The following CYRIB variants were observed in gnomAD, a reference collection of about 807,000 sequenced individuals.
The protein encoded by CYRIB is CYFIP-related Rac1 interactor B.
Under a neutral mutation model 44.2 loss-of-function variants are expected in CYRIB, and 8 were observed. The observed-to-expected ratio is 0.18, with a 90% confidence interval of 0.11 to 0.33. The LOEUF (loss-of-function observed/expected upper bound fraction) is 0.33. Among genes scored for constraint, CYRIB ranks in the 10% least tolerant of loss-of-function variants. The pLI is 1.00. For missense variants in CYRIB, 185 were observed against 382.8 expected, an observed-to-expected ratio of 0.48 and a Z score of 4.31; for synonymous variants, 131 against 127.2, an observed-to-expected ratio of 1.03 and a Z score of -0.20.
At chr8:129,879,703 T>C in intron 2 of CYRIB, 1 of 420,308 alleles carries the variant, frequency 2.4e-6, no homozygotes. Context: ...ACTGTTGCTC[T>C]AATTCTTCTC....
At chr8:130,008,864 G>A (rs918316181) in intron 1 of CYRIB, among the ~76,000 whole-genome samples, 21 of 152,266 alleles carry the variant, frequency 1.4e-4, no homozygotes, top group Admixed American at 6.5e-4. Flanking sequence ...CTTCCACGTC[G>A]TCTTCTGCAT....
chr8:129,847,744 T>C (rs1337583377), intron 10 of CYRIB, among the ~76,000 whole-genome samples: 2 of 152,148 alleles, frequency 1.3e-5, no homozygotes, highest in African/African-American at 2.4e-5. Flanking sequence ...AAAAGCATAA[T>C]ACAGCAGAAA....
At chr8:129,871,316 T>G in intron 4 of CYRIB, 59 bp downstream of exon 6, 1 of 1,544,942 alleles carries the variant, frequency 6.5e-7, no homozygotes, top group Admixed American at 2.2e-5. Flanking sequence ...AAACAAGAGA[T>G]TACAAAGAGG....
intron 3 of CYRIB, among the ~76,000 whole-genome samples, chr8:129,873,154 A>T (rs527315122): frequency 6.6e-6 from 1 of 152,140 alleles, no homozygotes; most frequent in African/African-American, 2.4e-5. Flanking sequence ...ATGTGTTTAC[A>T]TATCTGTTCC....
intron 2 of CYRIB, among the ~76,000 whole-genome samples, chr8:129,969,051 T>C (rs1451337457): frequency 2.1e-5 from 3 of 146,068 alleles, no homozygotes; most frequent in Non-Finnish European, 4.5e-5. Flanking sequence ...TCTTGCTCTG[T>C]CGCCCAGGCT....
rs555896857 is a variant in CYRIB, at chr8:129,937,191, G to A, written c.-50+2417C>T. Among the ~76,000 whole-genome samples the A allele has an allele frequency of 3.9e-5, 6 of 152,346 alleles. 1 individual carries two copies. Among genetic ancestry groups the A allele is most frequent in the African/African-American group, 1.4e-4 (6 of 41,578 alleles). On this transcript the variant is annotated intron_variant, in intron 1 of 11. Transcript: ENST00000519824. ...ATCCACTATGCACCAGGCAGGCACT[G>A]CGCTAAACTCTGGTGTAGTTACAGA... is the stretch of plus-strand genomic sequence containing the variant.
At chr8:129,901,554 C>T (rs997457697) in intron 2 of CYRIB, 7 of 152,132 alleles carry the variant, frequency 4.6e-5, no homozygotes, top group South Asian at 2.1e-4. Flanking sequence ...TGAAAAACTA[C>T]GCTTACTGAA....
intron 1 of CYRIB, among the ~76,000 whole-genome samples, chr8:129,984,483 G>A (rs1413819574): frequency 6.6e-6 from 1 of 152,018 alleles, no homozygotes; most frequent in South Asian, 2.1e-4. Flanking sequence ...CAGAGAGATG[G>A]GATGAGTCAC....
At chr8:130,015,121 A>T (rs950062557) in intron 1 of CYRIB, among the ~76,000 whole-genome samples, 1 of 152,032 alleles carries the variant, frequency 6.6e-6, no homozygotes, top group Admixed American at 6.6e-5. Context: ...AGAGGGGAGG[A>T]GTCCATCCAA....
intron 2 of CYRIB, among the ~76,000 whole-genome samples, chr8:129,955,137 C>G (rs1216111004): frequency 1.3e-5 from 2 of 151,760 alleles, no homozygotes; most frequent in African/African-American, 4.8e-5. Context: ...CTTGTAGTCC[C>G]AGCTACTTGG....
At chr8:129,850,691 C>T (rs2042811527) in intron 9 of CYRIB, 144 bp downstream of exon 11, 1 of 672,158 alleles carries the variant, frequency 1.5e-6, no homozygotes. Flanking sequence ...TAAGTTTGTT[C>T]ATATATTAAC....
At position 129,857,705 on chromosome 8, in the gene CYRIB, T is replaced by C. The variant is rs575063379; in HGVS notation, c.302-1958A>G. 9.2e-5 allele frequency among the ~76,000 whole-genome samples: 14 copies of C among 152,282 alleles called. No individual in the cohort carries two copies. The South Asian group carries it at 2.7e-3, about 29-fold the overall frequency. On this transcript the variant is annotated intron_variant, in intron 5 of 11. Coordinates refer to ENST00000519824, the Ensembl canonical transcript of CYRIB. Reference sequence around the variant, plus strand: ...TAACAGTGGATGTGAAGAAGATCAATTAAAAGTCAAACATTTTGGGTTATA... The same window carrying C: ...TAACAGTGGATGTGAAGAAGATCAACTAAAAGTCAAACATTTTGGGTTATA...
At chr8:129,944,728 A>T (rs563114961), upstream of CYRIB, among the ~76,000 whole-genome samples, 26 of 152,166 alleles carry the variant, frequency 1.7e-4, no homozygotes, top group South Asian at 5.2e-3. Context: ...GGTCGCAGTG[A>T]GCCAATATCC....
intron 2 of CYRIB, among the ~76,000 whole-genome samples, chr8:129,892,977 TTTA>T (rs917946550): frequency 2.0e-5 from 3 of 152,178 alleles, no homozygotes; most frequent in Non-Finnish European, 4.4e-5. Flanking sequence ...TTGTGGGAGT[TTTA>T]TTTTTAGGCT....
At chr8:129,861,182 C>G (rs1048610198) in intron 5 of CYRIB, among the ~76,000 whole-genome samples, 4 of 152,186 alleles carry the variant, frequency 2.6e-5, no homozygotes, top group Admixed American at 6.5e-5. Flanking sequence ...TATTCCTCTC[C>G]TGTGTCTATT....
chr8:129,923,374 A>C (rs1221630069), intron 1 of CYRIB, among the ~76,000 whole-genome samples: 1 of 151,018 alleles, frequency 6.6e-6, no homozygotes, highest in Non-Finnish European at 1.5e-5. Flanking sequence ...TCCCAGGTTC[A>C]AGCGATTCTC....
intron 2 of CYRIB, among the ~76,000 whole-genome samples, chr8:129,882,156 G>A (rs1376328104): frequency 6.6e-6 from 1 of 152,140 alleles, no homozygotes; most frequent in Non-Finnish European, 1.5e-5. Flanking sequence ...CATGAGAAAG[G>A]ACTATAATTA....
chr8:129,893,057 A>G, intron 2 of CYRIB, among the ~76,000 whole-genome samples: 1 of 152,244 alleles, frequency 6.6e-6, no homozygotes, highest in Non-Finnish European at 1.5e-5. Context: ...TTAAAAATGT[A>G]AAGCCATTGA....
chr8:129,978,665 T>C (rs73398763), intron 1 of CYRIB, among the ~76,000 whole-genome samples: 4,243 of 152,286 alleles, frequency 0.028, 200 homozygotes, highest in African/African-American at 0.097. Flanking sequence ...TGTGTTATTA[T>C]TATTATTTCC....
Sources: allele counts gnomAD v4.1 joint callset (sites outside exome capture counted in the v4.1 genomes callset), GRCh38; gene constraint gnomAD v4.1.1; transcripts MANE v1.5; gene names NCBI Gene and HGNC (gene_info 2026-07-23, HGNC 2026-07-21).